Variants in CSDE1 observed in about 807,000 individuals in gnomAD.
The protein encoded by CSDE1 is cold shock domain containing E1.
A neutral mutation model predicts 89.3 loss-of-function variants in CSDE1; 17 were observed. The ratio of observed to expected loss-of-function variants is 0.19; its 90% confidence interval spans 0.13 to 0.29. The LOEUF is 0.29. CSDE1 is among the 10% of genes least tolerant of loss of function. The pLI, the probability that CSDE1 is intolerant of heterozygous loss-of-function variation, is 1.00. For synonymous variants in CSDE1, 322 were observed against 332.8 expected (o/e 0.97, Z 0.35); for missense variants, 672 against 984.2 (o/e 0.68, Z 4.24).
chr1:114,746,967 TCTCA>T (rs938763931), intron 2 of CSDE1: 1 of 152,204 alleles, frequency 6.6e-6, no homozygotes, highest in African/African-American at 2.4e-5. Flanking sequence ...CCTGTTATTT[TCTCA>T]CTCATCTGGG....
At chr1:114,729,345 C>T (rs1199567935) in intron 12 of CSDE1, among the ~76,000 whole-genome samples, 3 of 151,690 alleles carry the variant, frequency 2.0e-5, no homozygotes, top group African/African-American at 4.8e-5. Flanking sequence ...GTGATCCGCC[C>T]GCCTCAGCCT....
chr1:114,718,749 T>C lies in CSDE1; in HGVS notation c.2217-4A>G. The C allele has an allele frequency of 6.2e-7, 1 of 1,613,306 alleles. No homozygotes were observed. The highest frequency in any genetic ancestry group is 8.5e-7 in the Non-Finnish European group (1 of 1,179,730). ...TGCAACAGCCTTGGGGCCCTCACTG[T>C]AATTAAGTCAAAAGATGAGAAGAAA... is the stretch of plus-strand genomic sequence containing the variant. On this transcript the variant is annotated splice_region_variant and splice_polypyrimidine_tract_variant and intron_variant, in intron 18 of 19. Transcript: ENST00000358528.
chr1:114,747,678 T>A (rs11584873), intron 2 of CSDE1, among the ~76,000 whole-genome samples: 1 of 151,960 alleles, frequency 6.6e-6, no homozygotes, highest in African/African-American at 2.4e-5. Flanking sequence ...GCCAACACGG[T>A]GAAACCCCGT....
At position 114,722,938 on chromosome 1, in the gene CSDE1, T is replaced by C. The variant is rs1000117180; in HGVS notation, c.1873+945A>G. 6.6e-5 allele frequency among the ~76,000 whole-genome samples: 10 copies of C among 152,366 alleles called. No homozygotes were observed. In the South Asian group the frequency reaches 1.0e-3, roughly 16 times the overall value. On this transcript the variant is annotated intron_variant, in intron 16 of 19. Coordinates refer to ENST00000358528, the MANE Select transcript of CSDE1 (RefSeq NM_001007553.3). ...CCAAATGACCTGCTATTCAGCACTT[T>C]ATGTTCGCTGACTCTTAGATGATGC... is the stretch of plus-strand genomic sequence containing the variant.
In CSDE1 at chr1:114,754,363, C is replaced by A. The variant is rs7544776; in HGVS notation, c.-388+3562G>T. Among the ~76,000 whole-genome samples, 62 of 152,280 alleles carry A rather than the reference C, an allele frequency of 4.1e-4. 2 individuals carry two copies. In the South Asian group the frequency reaches 0.013, roughly 31 times the overall value. Reference sequence around the variant, plus strand: ...GGCCTAGCATAAGCCATGACATAGTCGGCACTAAATGAAGAGGTTAAACTA... The same window carrying A: ...GGCCTAGCATAAGCCATGACATAGTAGGCACTAAATGAAGAGGTTAAACTA... On this transcript the variant is annotated intron_variant, in intron 1 of 19. Coordinates refer to ENST00000358528, the MANE Select transcript of CSDE1 (RefSeq NM_001007553.3).
chr1:114,756,056 G>A (rs1267103540), intron 1 of CSDE1, among the ~76,000 whole-genome samples: 1 of 152,116 alleles, frequency 6.6e-6, no homozygotes, highest in Non-Finnish European at 1.5e-5. Context: ...TGGGGAGAAG[G>A]GAAAATAAGG....
intron 2 of CSDE1, among the ~76,000 whole-genome samples, chr1:114,744,308 TC>T (rs1462721039): frequency 6.6e-6 from 1 of 152,122 alleles, no homozygotes; most frequent in Non-Finnish European, 1.5e-5. Flanking sequence ...CCAGCCAGGC[TC>T]AGTGGTTCAC....
At position 114,720,183 on chromosome 1, in the gene CSDE1, T is replaced by C. The variant is rs1017392478; in HGVS notation, c.2052+356A>G. ...ACTAAGTTTGTTTGCCCTAAGCTTA[T>C]TTTTTAAGTACTTTTGAACGTGGTT... On this transcript the variant is annotated intron_variant, in intron 17 of 19. Transcript: ENST00000358528. 7 of 220,078 alleles carry C rather than the reference T, an allele frequency of 3.2e-5. No homozygotes were observed. In the East Asian group the frequency reaches 7.9e-4, roughly 25 times the overall value. 13.6% of individuals were successfully genotyped at this position (220,078 alleles called of 1,614,324 possible).
rs370666450 is a variant in CSDE1, at chr1:114,726,276, A to T, written c.1575T>A (p.Thr525=). The T allele has an allele frequency of 4.3e-6, 7 of 1,613,360 alleles. No individual in the cohort carries two copies. The highest frequency in any genetic ancestry group is 5.9e-6 in the Non-Finnish European group (7 of 1,179,778). The stretch of plus-strand genomic sequence containing the variant: ...CAATAAATCCAAAATTATCCTTCAG[A>T]GTTGCCACATAACCCAAGAGCCTCT... The part of the protein sequence containing the change: ...NSKRLLGYVA[T]LKDNFGFIET... The change falls in exon 14 of 20, where the codon ACT becomes ACA. Residue 525 remains threonine, a synonymous_variant. Coordinates refer to ENST00000358528, the MANE Select transcript of CSDE1 (RefSeq NM_001007553.3).
chr1:114,718,597 T>C lies in CSDE1; in HGVS notation c.2349+16A>G, dbSNP rs1659335515. On this transcript the variant is annotated intron_variant, in intron 19 of 19. Transcript: ENST00000358528. ...TCTATCAGTTGGCCTCCCCCAAGCC[T>C]TGTATGCCCTCATACCATTGAGTTA... 6.2e-7 allele frequency: 1 copy of C among 1,611,630 alleles called. No homozygotes were observed. Among genetic ancestry groups the C allele is most frequent in the African/African-American group, 1.3e-5 (1 of 74,950 alleles).
chr1:114,748,108 TA>T lies in CSDE1; in HGVS notation c.-1+1712del, dbSNP rs1425553115. Among the ~76,000 whole-genome samples, 10 of 152,358 alleles carry T rather than the reference TA, an allele frequency of 6.6e-5. No individual in the cohort carries two copies. In the East Asian group the frequency reaches 1.7e-3, roughly 26 times the overall value. On this transcript the variant is annotated intron_variant, in intron 2 of 19. Coordinates refer to ENST00000358528, the MANE Select transcript of CSDE1 (RefSeq NM_001007553.3). ...ACTATAGTTTTTAGTTGTTAAGGAA[TA>T]ATTCTAGTGCACAGCAAGGTCACTG...
chr1:114,751,636 A>G lies in CSDE1; in HGVS notation c.-387-1429T>C, dbSNP rs193061567. On this transcript the variant is annotated intron_variant, in intron 1 of 19. Coordinates refer to ENST00000358528, the MANE Select transcript of CSDE1 (RefSeq NM_001007553.3). ...TCAACTTTATTTAGATCATTCTCCT[A>G]TTACCCAGACTAGATATATGTCTCA... Among the ~76,000 whole-genome samples, 16 of 151,618 alleles carry G rather than the reference A, an allele frequency of 1.1e-4. 1 individual carries two copies. The East Asian group carries it at 2.1e-3, about 20-fold the overall frequency.
intron 1 of CSDE1, among the ~76,000 whole-genome samples, chr1:114,751,330 G>A (rs1661296063): frequency 6.6e-6 from 1 of 152,144 alleles, no homozygotes; most frequent in African/African-American, 2.4e-5. Flanking sequence ...TTTCTACAGA[G>A]ATAAGAAAAA....
chr1:114,747,482 T>C (rs1661074630), intron 2 of CSDE1, among the ~76,000 whole-genome samples: 1 of 152,244 alleles, frequency 6.6e-6, no homozygotes, highest in African/African-American at 2.4e-5. Context: ...AGTAAACTAA[T>C]ATTCAGAATA....
chr1:114,737,725 T>A (rs1258774458), intron 4 of CSDE1, among the ~76,000 whole-genome samples, 162 bp from the exon 5 acceptor site: 1 of 152,216 alleles, frequency 6.6e-6, no homozygotes, highest in Non-Finnish European at 1.5e-5. Context: ...TTACAGTATG[T>A]AAATTGACTG....
At chr1:114,745,311 G>T (rs1660956572) in intron 2 of CSDE1, among the ~76,000 whole-genome samples, 3 of 152,106 alleles carry the variant, frequency 2.0e-5, no homozygotes, top group Admixed American at 6.5e-5. Flanking sequence ...CAAATTCCTG[G>T]AAATAATATA....
At chr1:114,723,660 C>G (rs900617597) in intron 16 of CSDE1, among the ~76,000 whole-genome samples, 1 of 152,160 alleles carries the variant, frequency 6.6e-6, no homozygotes, top group African/African-American at 2.4e-5. Flanking sequence ...GCTCATGTAT[C>G]AGTCATGTGC....
chr1:114,728,422 T>C (rs1470755390), intron 12 of CSDE1, among the ~76,000 whole-genome samples: 1 of 152,158 alleles, frequency 6.6e-6, no homozygotes, highest in Admixed American at 6.5e-5. Context: ...GGAGAATCCC[T>C]GCCCTGAGGG....
chr1:114,738,581 TTTCTC>T (rs1377963889), intron 3 of CSDE1, among the ~76,000 whole-genome samples: 1 of 152,002 alleles, frequency 6.6e-6, no homozygotes, highest in Non-Finnish European at 1.5e-5. Flanking sequence ...TACTGACTCT[TTTCTC>T]AAACGTTTTT....
Sources: gnomAD v4.1 joint callset for allele counts (sites outside exome capture counted in the v4.1 genomes callset) on GRCh38, gnomAD v4.1.1 for gene constraint, MANE v1.5 for transcripts, NCBI Gene and HGNC (gene_info 2026-07-23, HGNC 2026-07-21) for gene names.